Variants in DIPK1A observed in about 807,000 individuals in gnomAD.
DIPK1A encodes family with sequence similarity 69 member A.
A neutral mutation model predicts 40.8 loss-of-function variants in DIPK1A; 27 were observed. The observed-to-expected ratio is 0.66, with a 90% CI of 0.49 to 0.91. The LOEUF is 0.91. Among genes scored for constraint, DIPK1A ranks in the 40% least tolerant of loss-of-function variants. DIPK1A has a pLI of 0.00. For synonymous variants in DIPK1A, 166 were observed against 171.3 expected (o/e 0.97, Z 0.24); for missense variants, 412 against 505.7 (o/e 0.81, Z 1.78).
chr1:92,905,731 T>C (rs572218591), intron 1 of DIPK1A, among the ~76,000 whole-genome samples: 6 of 152,282 alleles, frequency 3.9e-5, no homozygotes, highest in African/African-American at 1.4e-4. Flanking sequence ...CCCAGTGTTT[T>C]CTGGTAGTAG....
intron 1 of DIPK1A, among the ~76,000 whole-genome samples, chr1:92,895,720 G>C (rs1649128326): frequency 6.6e-6 from 1 of 152,088 alleles, no homozygotes; most frequent in African/African-American, 2.4e-5. Flanking sequence ...AATTGTCCCT[G>C]TTTGCAGATG....
chr1:92,842,232 C>T lies in DIPK1A; in HGVS notation c.*1151G>A. 1 of 995,196 alleles carries T rather than the reference C, an allele frequency of 1.0e-6. No individual in the cohort carries two copies. The highest frequency in any genetic ancestry group is 1.2e-6 in the Non-Finnish European group (1 of 836,242). 61.6% of individuals were successfully genotyped at this position (995,196 alleles called of 1,614,324 possible). A position where few individuals can be genotyped will look rare whatever the true frequency, so the allele number is the denominator to read the frequency against. On this transcript the variant is annotated 3_prime_UTR_variant, in exon 5 of 5. Transcript: ENST00000370310. Reference sequence around the variant, plus strand: ...GAAAAGTACCTTAAAGTAAACAAAACTGGTGCTAATCCATGGCGTTGAAGG... The same window carrying T: ...GAAAAGTACCTTAAAGTAAACAAAATTGGTGCTAATCCATGGCGTTGAAGG...
Position 92,912,733 on chromosome 1 carries a change from T to C in DIPK1A, c.55-36303A>G, listed in dbSNP as rs1012027445. The stretch of plus-strand genomic sequence containing the variant: ...AGGCCAGATTTAATAATCTAAAATA[T>C]GCACTTCTTTTTCCCTGATGGAGCT... On this transcript the variant is annotated intron_variant, in intron 1 of 4. Transcript: ENST00000370310. 5.3e-5 allele frequency among the ~76,000 whole-genome samples: 8 copies of C among 152,156 alleles called. 1 individual carries two copies. Among genetic ancestry groups the C allele is most frequent in the Non-Finnish European group, 2.9e-5 (2 of 68,038 alleles).
At chr1:92,929,875 A>C (rs1326476921) in intron 1 of DIPK1A, among the ~76,000 whole-genome samples, 1 of 152,230 alleles carries the variant, frequency 6.6e-6, no homozygotes, top group Non-Finnish European at 1.5e-5. Flanking sequence ...AGTTGTCACA[A>C]GATGGAACCA....
chr1:92,835,219 A>G, intron 4 of DIPK1A: 1 of 451,250 alleles, frequency 2.2e-6, no homozygotes, highest in Non-Finnish European at 4.1e-6. Flanking sequence ...TTAATTGGAC[A>G]ATGAAGACCC....
intron 1 of DIPK1A, among the ~76,000 whole-genome samples, chr1:92,951,697 A>C (rs1467113316): frequency 6.6e-6 from 1 of 152,180 alleles, no homozygotes; most frequent in Non-Finnish European, 1.5e-5. Flanking sequence ...TAAGAGATGT[A>C]ACTTTGAACA....
At chr1:92,925,956 A>G (rs1650488117) in intron 1 of DIPK1A, among the ~76,000 whole-genome samples, 1 of 152,108 alleles carries the variant, frequency 6.6e-6, no homozygotes, top group Admixed American at 6.6e-5. Context: ...CTCCTCCTTC[A>G]TTATCAGTAT....
At chr1:92,939,314 G>T (rs1651064168) in intron 1 of DIPK1A, among the ~76,000 whole-genome samples, 1 of 152,136 alleles carries the variant, frequency 6.6e-6, no homozygotes, top group Non-Finnish European at 1.5e-5. Context: ...TTTGGGGAGG[G>T]AAGTCTACAT....
chr1:92,840,685 T>C (rs1687321990), downstream of DIPK1A: 6 of 1,389,440 alleles, frequency 4.3e-6, no homozygotes, highest in East Asian at 6.8e-5. Flanking sequence ...AGGTTGGGAA[T>C]GGTTCCCACG....
chr1:92,912,879 T>G (rs1649884420), intron 1 of DIPK1A, among the ~76,000 whole-genome samples: 1 of 151,794 alleles, frequency 6.6e-6, no homozygotes, highest in Non-Finnish European at 1.5e-5. Flanking sequence ...GGAAGGAGGA[T>G]CACTTGAGTC....
At chr1:92,872,375 C>T (rs947726941) in intron 2 of DIPK1A, among the ~76,000 whole-genome samples, 1 of 152,074 alleles carries the variant, frequency 6.6e-6, no homozygotes, top group African/African-American at 2.4e-5. Context: ...AGCCACCATG[C>T]CCAGCCTTGA....
chr1:92,957,228 T>C (rs749860811), intron 1 of DIPK1A, among the ~76,000 whole-genome samples: 2 of 152,088 alleles, frequency 1.3e-5, no homozygotes, highest in Admixed American at 6.5e-5. Flanking sequence ...AAAAGACAAA[T>C]GCAGGTGTCA....
intron 3 of DIPK1A, among the ~76,000 whole-genome samples, chr1:92,848,034 G>C (rs922627076): frequency 5.3e-5 from 8 of 152,100 alleles, no homozygotes; most frequent in African/African-American, 1.9e-4. Context: ...ACCACACCTG[G>C]CTTTTACTGA....
In DIPK1A at chr1:92,847,348, C is replaced by T. The variant is rs778803730; in HGVS notation, c.309G>A (p.Gly103=). The T allele has an allele frequency of 5.6e-6, 9 of 1,603,100 alleles. No individual in the cohort carries two copies. In the South Asian group the frequency reaches 7.9e-5, roughly 14 times the overall value. The change falls in exon 4 of 5, where the codon GGG becomes GGA. Residue 103 remains glycine (G), a synonymous_variant. Coordinates refer to ENST00000370310, the MANE Select transcript of DIPK1A (RefSeq NM_001006605.5). The part of the protein sequence containing the change: ...STKPNNQMYL[G]IWDNLPGVVK... ...CAACACCTGGTAGATTATCCCAAATCCCTAAATACATCTATGTAAAAAAGA... is the reference window on the plus strand; with the variant it reads ...CAACACCTGGTAGATTATCCCAAATTCCTAAATACATCTATGTAAAAAAGA...
chr1:92,871,733 T>C (rs1453969183), intron 2 of DIPK1A, among the ~76,000 whole-genome samples: 3 of 152,224 alleles, frequency 2.0e-5, no homozygotes, highest in Non-Finnish European at 4.4e-5. Context: ...CTTTTTGTGT[T>C]TGGCTTCTTT....
chr1:92,851,542 CAAAAA>C (rs59664439), intron 2 of DIPK1A, among the ~76,000 whole-genome samples: 2 of 34,766 alleles, frequency 5.8e-5, no homozygotes, highest in South Asian at 5.6e-3. Context: ...GACCCTATCT[CAAAAA>C]AAAAAAAAAA....
chr1:92,938,445 G>A (rs966882668), intron 1 of DIPK1A, among the ~76,000 whole-genome samples: 2 of 149,542 alleles, frequency 1.3e-5, no homozygotes, highest in Admixed American at 1.3e-4. Context: ...ACTCCAGCCT[G>A]GGCAACAGAG....
At chr1:92,846,224 C>T (rs1331560857) in intron 4 of DIPK1A, 1 of 155,164 alleles carries the variant, frequency 6.4e-6, no homozygotes, top group Non-Finnish European at 1.4e-5. Context: ...TCAATACACA[C>T]ATACAATTTG....
At chr1:92,874,219 T>G (rs1156839792) in intron 2 of DIPK1A, among the ~76,000 whole-genome samples, 1 of 152,248 alleles carries the variant, frequency 6.6e-6, no homozygotes, top group Non-Finnish European at 1.5e-5. Context: ...TCTAATTTAC[T>G]CATGACAGAA....
Sources: allele counts gnomAD v4.1 joint callset (sites outside exome capture counted in the v4.1 genomes callset), GRCh38; gene constraint gnomAD v4.1.1; transcripts MANE v1.5; gene names NCBI Gene and HGNC (gene_info 2026-07-23, HGNC 2026-07-21).